The following OVOL2 variants were observed in gnomAD, a reference collection of about 807,000 sequenced individuals.
The protein encoded by OVOL2 is ovo like zinc finger 2, also known as transcription factor Ovo-like 2.
OVOL2 carries 13 observed loss-of-function variants against 18.1 expected under a neutral mutation model. The ratio of observed to expected loss-of-function variants is 0.72; its 90% confidence interval spans 0.47 to 1.14. OVOL2 has a LOEUF of 1.14. OVOL2 is among the 50% of genes most tolerant of loss of function. The probability of loss-of-function intolerance (pLI) is 0.00; values close to 1 mark genes in which losing one functional copy is unlikely to be tolerated. For synonymous variants in OVOL2, 166 were observed against 162.7 expected (o/e 1.02, Z -0.16); for missense variants, 335 against 383.0 (o/e 0.87, Z 1.05).
intron 2 of OVOL2, among the ~76,000 whole-genome samples, chr20:18,048,592 G>A (rs1400500935): frequency 1.3e-5 from 2 of 152,120 alleles, no homozygotes; most frequent in Non-Finnish European, 2.9e-5. Flanking sequence ...TGGGCATGGT[G>A]ATGCACACCT....
intron 3 of OVOL2, among the ~76,000 whole-genome samples, chr20:18,031,991 G>T: frequency 6.6e-6 from 1 of 152,248 alleles, no homozygotes; most frequent in Admixed American, 6.5e-5. Flanking sequence ...TCAGCGAGAA[G>T]ATTTTTACAG....
At chr20:18,050,004 C>T (rs1269713003) in intron 2 of OVOL2, among the ~76,000 whole-genome samples, 1 of 152,160 alleles carries the variant, frequency 6.6e-6, no homozygotes, top group Non-Finnish European at 1.5e-5. Context: ...AGTTTTGCCA[C>T]TAACAACTTT....
At chr20:18,046,772 C>T (rs1352016610) in intron 2 of OVOL2, among the ~76,000 whole-genome samples, 1 of 152,136 alleles carries the variant, frequency 6.6e-6, no homozygotes, top group Non-Finnish European at 1.5e-5. Context: ...ACTGGAGCAC[C>T]TTTATTTTGT....
At chr20:18,027,746 C>T (rs1283192873) in intron 3 of OVOL2, among the ~76,000 whole-genome samples, 1 of 151,698 alleles carries the variant, frequency 6.6e-6, no homozygotes, top group Non-Finnish European at 1.5e-5. Context: ...CAGGCGCTCA[C>T]CACCACGCCC....
upstream of OVOL2, among the ~76,000 whole-genome samples, chr20:18,058,571 AAC>A (rs745818758): frequency 2.9e-4 from 44 of 150,472 alleles, no homozygotes; most frequent in Non-Finnish European, 1.6e-4. Context: ...ACCCCAAGTA[AAC>A]ACACAATAGA....
chr20:18,043,363 A>G (rs1368004834), intron 2 of OVOL2, among the ~76,000 whole-genome samples: 6 of 152,208 alleles, frequency 3.9e-5, no homozygotes, highest in Non-Finnish European at 8.8e-5. Flanking sequence ...TGTCAGTTCC[A>G]GGTTTTAAGA....
At chr20:18,035,774 G>A (rs2036610545) in intron 3 of OVOL2, among the ~76,000 whole-genome samples, 1 of 152,130 alleles carries the variant, frequency 6.6e-6, no homozygotes, top group South Asian at 2.1e-4. Flanking sequence ...CATTTCCATA[G>A]TTCCATTTGT....
chr20:18,036,188 G>T (rs1458460383), intron 3 of OVOL2, among the ~76,000 whole-genome samples: 4 of 152,044 alleles, frequency 2.6e-5, no homozygotes, highest in Admixed American at 6.6e-5. Context: ...AGCTACTCAG[G>T]AGGCTGAGGC....
At chr20:18,041,901 CCCTT>C (rs779482941) in intron 2 of OVOL2, among the ~76,000 whole-genome samples, 178 bp from the exon 3 acceptor site, 8,970 of 137,112 alleles carry the variant, frequency 0.065, 303 homozygotes, top group African/African-American at 0.11. Context: ...GTTCCTCCCA[CCCTT>C]TTTTTTTTTT....
In OVOL2 at chr20:18,056,990, T is replaced by C. The variant is rs540442977; in HGVS notation, c.101-113A>G. The stretch of plus-strand genomic sequence containing the variant: ...CCGCCCCGCCCCGGACCTGGGCACC[T>C]CGCCAAGTGGGCAACGTCGCGGGGG... On this transcript the variant is annotated intron_variant, in intron 1 of 3. Transcript: ENST00000278780. This position sits in a 1 kb window ranked among gnomAD's most constrained non-coding sequence, Gnocchi z 4.2. The C allele has an allele frequency of 2.1e-4, 266 of 1,258,370 alleles. 3 individuals are homozygous for C. In the East Asian group the frequency reaches 7.5e-3, roughly 35 times the overall value. The allele number at this position is 1,258,370 out of a possible 1,614,324, so 78.0% of individuals were successfully genotyped here.
chr20:18,033,759 G>A (rs1051303751), intron 3 of OVOL2, among the ~76,000 whole-genome samples: 5 of 152,074 alleles, frequency 3.3e-5, no homozygotes, highest in East Asian at 1.9e-4. Flanking sequence ...GCAGAGTCTT[G>A]TGCTTGCAAG....
upstream of OVOL2, among the ~76,000 whole-genome samples, chr20:18,058,386 C>A (rs975327128): frequency 6.0e-5 from 9 of 149,856 alleles, no homozygotes; most frequent in Non-Finnish European, 8.9e-5. Flanking sequence ...GGGGCTTAAG[C>A]TTTCCATCAG....
chr20:18,027,519 C>T (rs1243441364), intron 3 of OVOL2, among the ~76,000 whole-genome samples: 2 of 103,544 alleles, frequency 1.9e-5, no homozygotes, highest in Non-Finnish European at 3.7e-5. Flanking sequence ...CAGAGCGCGA[C>T]TCCGTCTCCA....
At chr20:18,036,384 A>G (rs527652541) in intron 3 of OVOL2, among the ~76,000 whole-genome samples, 48 of 152,140 alleles carry the variant, frequency 3.2e-4, no homozygotes, top group Non-Finnish European at 5.0e-4. Flanking sequence ...CCTATACAAC[A>G]CATCTCAATC....
chr20:18,030,722 G>A lies in OVOL2; in HGVS notation c.512-5770C>T, dbSNP rs149710884. Among the ~76,000 whole-genome samples, 25 of 152,282 alleles carry A rather than the reference G, an allele frequency of 1.6e-4. 1 individual carries two copies. In the East Asian group the frequency reaches 4.6e-3, roughly 28 times the overall value. On this transcript the variant is annotated intron_variant, in intron 3 of 3. Coordinates refer to ENST00000278780, the MANE Select transcript of OVOL2 (RefSeq NM_021220.4). ...GCCTGGCTTGGAAGAGGAGTGACTC[G>A]CAGACAGAGATGGAAAGGAGACATA...
chr20:18,025,978 T>C (rs2036510964), intron 3 of OVOL2, among the ~76,000 whole-genome samples: 1 of 152,342 alleles, frequency 6.6e-6, no homozygotes, highest in African/African-American at 2.4e-5. Flanking sequence ...TGCCCAGAAA[T>C]GGCAGATGCC....
chr20:18,033,354 G>A (rs1279153830), intron 3 of OVOL2, among the ~76,000 whole-genome samples: 1 of 152,302 alleles, frequency 6.6e-6, no homozygotes, highest in East Asian at 1.9e-4. Flanking sequence ...GCTTCCCCAG[G>A]AATGGCATGA....
At chr20:18,036,525 C>T (rs377357953) in intron 3 of OVOL2, among the ~76,000 whole-genome samples, 4 of 152,032 alleles carry the variant, frequency 2.6e-5, no homozygotes, top group South Asian at 2.1e-4. Context: ...GTGATAACTG[C>T]GAAACCCTTT....
intron 3 of OVOL2, among the ~76,000 whole-genome samples, chr20:18,028,254 GC>G (rs2036537514): frequency 6.6e-6 from 1 of 151,916 alleles, no homozygotes; most frequent in South Asian, 2.1e-4. Context: ...TTGGCTCACT[GC>G]AACCTCCGCT....
Sources: allele counts gnomAD v4.1 joint callset (sites outside exome capture counted in the v4.1 genomes callset), GRCh38; gene constraint gnomAD v4.1.1; non-coding constraint Gnocchi (gnomAD v3.1); transcripts MANE v1.5; gene names NCBI Gene and HGNC (gene_info 2026-07-23, HGNC 2026-07-21).